Variants in NR1I2 observed in about 807,000 individuals in gnomAD.
NR1I2 encodes the protein orphan nuclear receptor PAR1.
Under a neutral mutation model 43.3 loss-of-function variants are expected in NR1I2, and 42 were observed. The ratio of observed to expected loss-of-function variants is 0.97; its 90% CI spans 0.76 to 1.26. NR1I2 has a LOEUF of 1.26. NR1I2 is among the 50% of genes most tolerant of loss of function. The pLI, the probability that NR1I2 is intolerant of heterozygous loss-of-function variation, is 0.00. For missense variants in NR1I2, 559 were observed against 566.7 expected (o/e 0.99, Z 0.14); for synonymous variants, 229 against 215.0 (o/e 1.06, Z -0.57).
At chr3:119,802,048 C>T (rs1433166831) in intron 1 of NR1I2, among the ~76,000 whole-genome samples, 1 of 152,150 alleles carries the variant, frequency 6.6e-6, no homozygotes, top group Non-Finnish European at 1.5e-5. Context: ...TCCCCACATT[C>T]TATTAACTAA....
chr3:119,793,070 C>G (rs908156994), intron 1 of NR1I2, among the ~76,000 whole-genome samples: 1 of 152,128 alleles, frequency 6.6e-6, no homozygotes, highest in African/African-American at 2.4e-5. Flanking sequence ...CTTGCTCCCT[C>G]TTGCTGTGTG....
chr3:119,807,304 G>A lies in NR1I2; in HGVS notation c.54G>A (p.Glu18=). Reference sequence around the variant, plus strand: ...ACCATGCTGACTTTGTACACTGTGAGGACACAGAGTCTGTTCCTGGAAAGC... The same window carrying A: ...ACCATGCTGACTTTGTACACTGTGAAGACACAGAGTCTGTTCCTGGAAAGC... Residue 18 remains glutamate (E), a synonymous_variant, in exon 2 of 9, where the codon GAG becomes GAA. Transcript: ENST00000393716. 6.2e-7 allele frequency: 1 copy of A among 1,614,210 alleles called. No individual in the cohort carries two copies. The highest frequency in any genetic ancestry group is 8.5e-7 in the Non-Finnish European group (1 of 1,180,032).
intron 1 of NR1I2, among the ~76,000 whole-genome samples, chr3:119,791,405 T>A (rs970296358): frequency 6.6e-6 from 1 of 152,208 alleles, no homozygotes; most frequent in Non-Finnish European, 1.5e-5. Context: ...AACACTCCTA[T>A]GTAACACCAT....
intron 3 of NR1I2, chr3:119,811,157 G>T (rs1179364091): frequency 1.1e-5 from 2 of 189,080 alleles, no homozygotes; most frequent in African/African-American, 4.7e-5. Context: ...GGTTTCTCCG[G>T]ATCACAAAGG....
At chr3:119,795,219 A>G (rs149152160) in intron 1 of NR1I2, among the ~76,000 whole-genome samples, 1 of 152,242 alleles carries the variant, frequency 6.6e-6, no homozygotes, top group African/African-American at 2.4e-5. Context: ...GACCCTGGAG[A>G]GTCCTTTAGC....
chr3:119,788,172 G>C (rs2054871420), intron 1 of NR1I2, among the ~76,000 whole-genome samples: 1 of 152,154 alleles, frequency 6.6e-6, no homozygotes, highest in South Asian at 2.1e-4. Flanking sequence ...GGAGAGCAGT[G>C]GTATGATCAT....
intron 2 of NR1I2, among the ~76,000 whole-genome samples, chr3:119,808,529 T>A (rs1309588103): frequency 1.3e-5 from 2 of 152,240 alleles, no homozygotes. Context: ...CAGATGCTGC[T>A]GGCACAGAAG....
intron 1 of NR1I2, among the ~76,000 whole-genome samples, chr3:119,787,959 G>A (rs1577268022): frequency 6.6e-6 from 1 of 151,806 alleles, no homozygotes; most frequent in Admixed American, 6.6e-5. Context: ...AATTCAAGTT[G>A]CCCACTCTTC....
intron 1 of NR1I2, among the ~76,000 whole-genome samples, chr3:119,783,076 G>A (rs1477976204): frequency 2.6e-5 from 4 of 151,808 alleles, no homozygotes; most frequent in Admixed American, 2.6e-4. Context: ...GCTATAGCAG[G>A]CACTATTCCT....
intron 1 of NR1I2, among the ~76,000 whole-genome samples, chr3:119,788,950 C>A (rs972542921): frequency 6.6e-6 from 1 of 152,204 alleles, no homozygotes; most frequent in Admixed American, 6.5e-5. Context: ...AGCATCAGCT[C>A]ACCTGGGAGC....
intron 1 of NR1I2, among the ~76,000 whole-genome samples, chr3:119,785,256 G>T (rs2054829129): frequency 6.6e-6 from 1 of 152,182 alleles, no homozygotes; most frequent in Non-Finnish European, 1.5e-5. Flanking sequence ...TTTTTATTTT[G>T]TACTATGAAC....
chr3:119,801,872 C>T (rs1396549826), intron 1 of NR1I2, among the ~76,000 whole-genome samples: 2 of 152,278 alleles, frequency 1.3e-5, no homozygotes, highest in Middle Eastern at 3.4e-3. Context: ...CCTGTCTCAT[C>T]GGTGCGATCT....
chr3:119,798,657 A>AAAG (rs2055034167), intron 1 of NR1I2, among the ~76,000 whole-genome samples: 5 of 148,286 alleles, frequency 3.4e-5, no homozygotes, highest in African/African-American at 1.2e-4. Context: ...AAAAAAAAGA[A>AAAG]AAAGAAAGAA....
At chr3:119,810,036 C>T (rs745869197) in intron 2 of NR1I2, 25 bp from the exon 3 acceptor site, 12 of 1,613,616 alleles carry the variant, frequency 7.4e-6, no homozygotes, top group East Asian at 2.2e-5. Context: ...GTGCATCCCC[C>T]CTTCTGCTCC....
chr3:119,813,219 A>C (rs964539261), intron 5 of NR1I2, among the ~76,000 whole-genome samples: 2 of 152,236 alleles, frequency 1.3e-5, no homozygotes, highest in Admixed American at 1.3e-4. Flanking sequence ...CCTCCCCTGC[A>C]GGGCTGTTCT....
At chr3:119,792,107 T>C in intron 1 of NR1I2, 1 of 766,694 alleles carries the variant, frequency 1.3e-6, no homozygotes, top group Non-Finnish European at 2.4e-6. Flanking sequence ...GCATCCTCTT[T>C]GGGCCTGTCA....
intron 1 of NR1I2, among the ~76,000 whole-genome samples, chr3:119,800,930 CA>C (rs778619051): frequency 4.6e-5 from 7 of 152,186 alleles, no homozygotes; most frequent in Non-Finnish European, 7.3e-5. Flanking sequence ...CACTCAAAGA[CA>C]AACCTTGTGA....
chr3:119,799,111 T>G (rs1205060787), intron 1 of NR1I2, among the ~76,000 whole-genome samples: 1 of 152,224 alleles, frequency 6.6e-6, no homozygotes, highest in Non-Finnish European at 1.5e-5. Flanking sequence ...TTTAGGTAAC[T>G]GAGCAATTGT....
Position 119,815,138 on chromosome 3 carries a change from G to A in NR1I2, c.937+17G>A. The A allele has an allele frequency of 6.2e-7, 1 of 1,614,150 alleles. No individual in the cohort carries two copies. Among genetic ancestry groups the A allele is most frequent in the South Asian group, 1.1e-5 (1 of 91,080 alleles). On this transcript the variant is annotated intron_variant, in intron 6 of 8. Transcript: ENST00000393716. ...ACACTGCAGGTGCCCGAGAGAGCCT[G>A]CCTGCCCTGGCAGAGGGAGGGAAAC...
Sources: allele counts gnomAD v4.1 joint callset (sites outside exome capture counted in the v4.1 genomes callset), GRCh38; gene constraint gnomAD v4.1.1; transcripts MANE v1.5; gene names NCBI Gene and HGNC (gene_info 2026-07-23, HGNC 2026-07-21).